Variants in PDS5B observed in about 807,000 individuals in gnomAD.
The protein encoded by PDS5B is sister chromatid cohesion protein PDS5 homolog B.
Under a neutral mutation model 184.1 loss-of-function variants are expected in PDS5B, and 51 were observed. The observed-to-expected ratio is 0.28, with a 90% CI of 0.22 to 0.35. The LOEUF is 0.35. Ranked by LOEUF, PDS5B falls within the 10% of genes least tolerant of loss-of-function variation. The pLI is 1.00. For missense variants in PDS5B, 1,180 were observed against 1,723.3 expected (o/e 0.68, Z 5.58); for synonymous variants, 566 against 569.2 (o/e 0.99, Z 0.08).
At chr13:32,677,155 T>A (rs1450015142) in intron 9 of PDS5B, among the ~76,000 whole-genome samples, 1 of 152,114 alleles carries the variant, frequency 6.6e-6, no homozygotes, top group Non-Finnish European at 1.5e-5. Context: ...ATTTCTTGAT[T>A]CTTATTTAGC....
intron 1 of PDS5B, among the ~76,000 whole-genome samples, chr13:32,635,575 C>T (rs370451413): frequency 4.6e-5 from 7 of 151,052 alleles, no homozygotes; most frequent in African/African-American, 9.7e-5. Context: ...ATCTCTTGAC[C>T]TCATGATCTG....
chr13:32,629,549 A>C (rs1345863807), intron 1 of PDS5B, among the ~76,000 whole-genome samples: 1 of 152,202 alleles, frequency 6.6e-6, no homozygotes, highest in African/African-American at 2.4e-5. Flanking sequence ...TCACTGACCC[A>C]TTAGGTTTCA....
intron 1 of PDS5B, among the ~76,000 whole-genome samples, chr13:32,646,156 C>A (rs1291014187): frequency 6.6e-6 from 1 of 151,972 alleles, no homozygotes; most frequent in East Asian, 1.9e-4. Flanking sequence ...AGGTGCACAC[C>A]ACTATGCTTG....
chr13:32,666,536 C>T (rs1161850773), intron 6 of PDS5B, among the ~76,000 whole-genome samples: 1 of 151,940 alleles, frequency 6.6e-6, no homozygotes, highest in Non-Finnish European at 1.5e-5. Flanking sequence ...GACTATCATT[C>T]AGTGTATACA....
chr13:32,726,627 A>G (rs1455712500), intron 19 of PDS5B, among the ~76,000 whole-genome samples: 1 of 152,316 alleles, frequency 6.6e-6, no homozygotes, highest in East Asian at 1.9e-4. Context: ...AACTCTGGTC[A>G]TCTTCCTTGT....
intron 19 of PDS5B, among the ~76,000 whole-genome samples, chr13:32,716,144 C>T (rs1272971619): frequency 6.6e-6 from 1 of 151,482 alleles, no homozygotes; most frequent in Non-Finnish European, 1.5e-5. Context: ...TGAGGAGCCC[C>T]TCTGCCTGGC....
Position 32,601,969 on chromosome 13 carries a change from G to A in PDS5B, c.-20+15376G>A, listed in dbSNP as rs571350194. On this transcript the variant is annotated intron_variant, in intron 1 of 34. Transcript: ENST00000315596. ...TTTCTTTTGAATTTGAACATTGTCC[G>A]TTTTGTTTTAATGTAAATGTAACTG... 4.6e-5 allele frequency among the ~76,000 whole-genome samples: 7 copies of A among 152,150 alleles called. No homozygotes were observed. In the East Asian group the frequency reaches 7.7e-4, roughly 17 times the overall value.
chr13:32,614,583 C>G (rs1356142839), intron 1 of PDS5B, among the ~76,000 whole-genome samples: 3 of 152,210 alleles, frequency 2.0e-5, no homozygotes, highest in African/African-American at 7.2e-5. Context: ...CAGGCATGAG[C>G]CACTGGGCCT....
rs1331170432 is a variant in PDS5B, at chr13:32,715,920, C to T, written c.2123+5814C>T. Among the ~76,000 whole-genome samples, 4 of 152,274 alleles carry T rather than the reference C, an allele frequency of 2.6e-5. No homozygotes were observed. In the East Asian group the frequency reaches 5.8e-4, roughly 22 times the overall value. On this transcript the variant is annotated intron_variant, in intron 19 of 34. Coordinates refer to ENST00000315596, the MANE Select transcript of PDS5B (RefSeq NM_015032.4). ...GAGTGATCCGCCAGCCTCGGCCTCCCGAGGTGCCGGGATTGCAGACAGAGT... is the reference window on the plus strand; with the variant it reads ...GAGTGATCCGCCAGCCTCGGCCTCCTGAGGTGCCGGGATTGCAGACAGAGT...
At chr13:32,628,938 G>T (rs1201518876) in intron 1 of PDS5B, among the ~76,000 whole-genome samples, 1 of 152,022 alleles carries the variant, frequency 6.6e-6, no homozygotes, top group East Asian at 1.9e-4. Flanking sequence ...TTTTATTCCT[G>T]TGAGAATTGG....
chr13:32,605,274 T>C (rs535326379), intron 1 of PDS5B, among the ~76,000 whole-genome samples: 1 of 152,348 alleles, frequency 6.6e-6, no homozygotes, highest in East Asian at 1.9e-4. Flanking sequence ...GTTGTGTCTT[T>C]GTTCTCATTG....
intron 15 of PDS5B, among the ~76,000 whole-genome samples, chr13:32,697,860 A>G (rs1951752162): frequency 6.6e-6 from 1 of 152,082 alleles, no homozygotes; most frequent in Admixed American, 6.5e-5. Context: ...CCATGCATGT[A>G]TTAACACACC....
At chr13:32,655,374 A>ATATATATATATATATTTTTTTTTT in intron 3 of PDS5B, among the ~76,000 whole-genome samples, 10 of 72,456 alleles carry the variant, frequency 1.4e-4, no homozygotes, top group Non-Finnish European at 1.6e-4. Flanking sequence ...ATATATATAT[A>ATATATATATATATATTTTTTTTTT]TTTTTTTTTT....
At chr13:32,760,517 C>T in intron 29 of PDS5B, 58 bp from the exon 30 acceptor site, 2 of 1,518,234 alleles carry the variant, frequency 1.3e-6, no homozygotes, top group Non-Finnish European at 1.8e-6. Flanking sequence ...TGGTTCTTTA[C>T]ACGTAACTTT....
intron 1 of PDS5B, among the ~76,000 whole-genome samples, chr13:32,630,669 G>A (rs1263781941): frequency 1.3e-5 from 2 of 152,088 alleles, no homozygotes; most frequent in Non-Finnish European, 2.9e-5. Flanking sequence ...TCTGTCTTGA[G>A]TATTCTTCCC....
At chr13:32,587,875 C>T (rs563739069) in intron 1 of PDS5B, among the ~76,000 whole-genome samples, 1 of 152,278 alleles carries the variant, frequency 6.6e-6, no homozygotes, top group South Asian at 2.1e-4. Flanking sequence ...GGTTGGTCTG[C>T]GGTGTGGAGA....
intron 20 of PDS5B, 128 bp downstream of exon 20, chr13:32,732,352 TA>T (rs1280312506): frequency 4.4e-5 from 29 of 662,420 alleles, no homozygotes; most frequent in Non-Finnish European, 6.8e-5. Flanking sequence ...TTTGAATCAG[TA>T]AAATCAACAT....
At chr13:32,770,016 A>G (rs1364069027) in intron 31 of PDS5B, 105 bp from the exon 32 acceptor site, 2 of 881,254 alleles carry the variant, frequency 2.3e-6, no homozygotes, top group Non-Finnish European at 3.5e-6. Flanking sequence ...TATTTTAGGT[A>G]CATATCTAGG....
chr13:32,753,491 A>G lies in PDS5B; in HGVS notation c.2896A>G (p.Ile966Val), dbSNP rs2140998964. The change falls in exon 25 of 35, where the codon ATA becomes GTA. Residue 966 changes from isoleucine (I) to valine (V), a missense_variant. By Grantham distance (29) the Ile-to-Val change is conservative. Coordinates refer to ENST00000315596, the MANE Select transcript of PDS5B (RefSeq NM_015032.4). ...AHARQCLVKN[I>V]NVRREYLKQH... ...TGCTAGGCAATGTTTGGTGAAAAAT[A>G]TAAATGTAAGGCGGGAGTATCTGAA... 6.2e-7 allele frequency: 1 copy of G among 1,613,894 alleles called. No homozygotes were observed. Among genetic ancestry groups the G allele is most frequent in the Middle Eastern group, 1.7e-4 (1 of 6,058 alleles).
Sources: allele counts gnomAD v4.1 joint callset (sites outside exome capture counted in the v4.1 genomes callset), GRCh38; gene constraint gnomAD v4.1.1; transcripts MANE v1.5; gene names NCBI Gene and HGNC (gene_info 2026-07-23, HGNC 2026-07-21).